The following IL17RA variants were observed in gnomAD, a reference collection of about 807,000 sequenced individuals.
IL17RA encodes the protein interleukin-17 receptor A.
In IL17RA, 34 loss-of-function variants were observed where a neutral mutation model predicts 50.4. That is an observed-to-expected ratio of 0.67 (90% confidence interval 0.51 to 0.90). The LOEUF is 0.90. IL17RA is among the 40% of genes least tolerant of loss of function. IL17RA has a pLI of 0.00. For missense variants in IL17RA, 1,276 were observed against 1,169.8 expected (o/e 1.09, Z -1.32); for synonymous variants, 585 against 510.4 (o/e 1.15, Z -1.97).
At position 17,108,734 on chromosome 22, in the gene IL17RA, C is replaced by T. The variant is rs1300589062; in HGVS notation, c.1515C>T (p.Ser505=). ...CFGTYVVCYF[S]EVSCDGDVPD... is the part of the protein sequence containing the mutation. ...GCACCTACGTAGTCTGCTACTTCAG[C>T]GAGGTCAGCTGTGACGGCGACGTCC... Residue 505 remains serine, a synonymous_variant, in exon 13 of 13, where the codon AGC becomes AGT. Transcript: ENST00000319363. The T allele has an allele frequency of 2.5e-6, 4 of 1,611,662 alleles. No individual in the cohort carries two copies. Among genetic ancestry groups the T allele is most frequent in the Non-Finnish European group, 3.4e-6 (4 of 1,179,772 alleles).
intron 8 of IL17RA, among the ~76,000 whole-genome samples, chr22:17,104,422 G>A (rs562966137): frequency 1.1e-4 from 16 of 152,004 alleles, no homozygotes; most frequent in Admixed American, 2.6e-4. Context: ...AGTGGGGAGC[G>A]TGCACAGTCT....
Position 17,109,187 on chromosome 22 carries a change from C to T in IL17RA, c.1968C>T (p.Pro656=). 2 of 1,519,320 alleles carry T rather than the reference C, an allele frequency of 1.3e-6. No individual in the cohort carries two copies. Among genetic ancestry groups the T allele is most frequent in the Non-Finnish European group, 1.8e-6 (2 of 1,138,712 alleles). The allele number at this position is 1,519,320 out of a possible 1,614,324, so 94.1% of individuals were successfully genotyped here. A position where few individuals can be genotyped will look rare whatever the true frequency, so the allele number is the denominator to read the frequency against. Reference sequence around the variant, plus strand: ...CAAAGCTGGAACCTCACCTGCAGCCCCGGGGTCAGCCAGCGCCGCAGCCCC... The same window carrying T: ...CAAAGCTGGAACCTCACCTGCAGCCTCGGGGTCAGCCAGCGCCGCAGCCCC... The part of the protein sequence containing the change: ...AVAKLEPHLQ[P]RGQPAPQPLH... Residue 656 remains proline, a synonymous_variant, in exon 13 of 13, where the codon CCC becomes CCT. Transcript: ENST00000319363.
intron 1 of IL17RA, 125 bp downstream of exon 1, chr22:17,085,354 T>TAA: frequency 6.8e-7 from 1 of 1,471,012 alleles, no homozygotes; most frequent in Non-Finnish European, 9.0e-7. Context: ...GCCGCGGGCT[T>TAA]AGAGGGGCTC....
chr22:17,088,694 G>T (rs767874751), intron 1 of IL17RA, among the ~76,000 whole-genome samples: 3 of 152,052 alleles, frequency 2.0e-5, no homozygotes, highest in Non-Finnish European at 4.4e-5. Context: ...CACCATATTG[G>T]CCAGGCTGAT....
At chr22:17,098,396 C>T (rs889779237) in intron 3 of IL17RA, among the ~76,000 whole-genome samples, 2 of 152,122 alleles carry the variant, frequency 1.3e-5, no homozygotes, top group African/African-American at 2.4e-5. Context: ...GATTTGTGAA[C>T]GGGGCATGGG....
At chr22:17,100,541 G>C in intron 5 of IL17RA, 60 bp downstream of exon 5, 1 of 1,600,454 alleles carries the variant, frequency 6.2e-7, no homozygotes, top group Non-Finnish European at 8.5e-7. Context: ...GGAAGCACCA[G>C]GTGGCACAGA....
At position 17,108,811 on chromosome 22, in the gene IL17RA, A is replaced by C. The variant is rs758480091; in HGVS notation, c.1592A>C (p.Glu531Ala). 5 of 1,607,528 alleles carry C rather than the reference A, an allele frequency of 3.1e-6. No homozygotes were observed. The highest frequency in any genetic ancestry group is 3.4e-6 in the Non-Finnish European group (4 of 1,177,158). ...PRYPLMDRFEEVYFRIQDLEM... is the reference protein window; with the variant it reads ...PRYPLMDRFEAVYFRIQDLEM... ...TACCCGCTCATGGACAGGTTCGAGG[A>C]GGTGTACTTCCGCATCCAGGACCTG... Residue 531 changes from glutamate to alanine, a missense_variant, in exon 13 of 13, where the codon GAG becomes GCG. Transcript: ENST00000319363.
intron 5 of IL17RA, 148 bp from the exon 6 acceptor site, chr22:17,101,848 G>C: frequency 1.1e-6 from 1 of 891,630 alleles, no homozygotes; most frequent in South Asian, 1.4e-5. Context: ...ATGCCAAGGT[G>C]GGTCCAGCCC....
chr22:17,108,851 G>A lies in IL17RA; in HGVS notation c.1632G>A (p.Pro544=), dbSNP rs550947413. 6.3e-5 allele frequency: 101 copies of A among 1,608,584 alleles called. No individual in the cohort carries two copies. The highest frequency in any genetic ancestry group is 8.4e-5 in the Non-Finnish European group (99 of 1,177,784). The change falls in exon 13 of 13, where the codon CCG becomes CCA. Residue 544 remains proline, a synonymous_variant. Transcript: ENST00000319363. ...FRIQDLEMFQ[P]GRMHRVGELS... ...TCCAGGACCTGGAGATGTTCCAGCC[G>A]GGCCGCATGCACCGCGTAGGGGAGC... is the stretch of plus-strand genomic sequence containing the variant.
At chr22:17,094,687 CTCTCTATATA>C (rs2061361573) in intron 1 of IL17RA, among the ~76,000 whole-genome samples, 1 of 43,286 alleles carries the variant, frequency 2.3e-5, no homozygotes, top group South Asian at 6.9e-4. Context: ...CTCTCTCTCT[CTCTCTATATA>C]TATATATATA....
rs1472509124 is a variant in IL17RA, at chr22:17,108,995, A to G, written c.1776A>G (p.Ser592=). 1.2e-6 allele frequency: 2 copies of G among 1,602,190 alleles called. No homozygotes were observed. The highest frequency in any genetic ancestry group is 1.3e-5 in the African/African-American group (1 of 74,904). ...PDWFECENLY[S]ADDQDAPSLD... is the part of the protein sequence containing the mutation. ...GGTTCGAATGTGAGAACCTCTACTC[A>G]GCAGATGACCAGGATGCCCCGTCCC... Residue 592 remains serine (S), a synonymous_variant, in exon 13 of 13, where the codon TCA becomes TCG. Coordinates refer to ENST00000319363, the MANE Select transcript of IL17RA (RefSeq NM_014339.7).
chr22:17,091,485 T>G (rs950642912), intron 1 of IL17RA, among the ~76,000 whole-genome samples: 14 of 151,868 alleles, frequency 9.2e-5, no homozygotes, highest in East Asian at 1.9e-4. Context: ...GACCATCCTG[T>G]CTAACGCAGT....
intron 1 of IL17RA, among the ~76,000 whole-genome samples, chr22:17,092,898 C>G (rs184786559): frequency 2.6e-5 from 4 of 152,032 alleles, no homozygotes; most frequent in African/African-American, 9.7e-5. Flanking sequence ...TAGACTAACC[C>G]TTCTATTGAA....
chr22:17,102,327 C>T, intron 7 of IL17RA, 25 bp downstream of exon 7: 1 of 1,613,316 alleles, frequency 6.2e-7, no homozygotes. Context: ...TTTGACCCCT[C>T]TAGCATAGCT....
chr22:17,102,183 CA>C lies in IL17RA; in HGVS notation c.644del (p.His215ProfsTer5). 6.2e-7 allele frequency: 1 copy of C among 1,614,178 alleles called. No homozygotes were observed. The highest frequency in any genetic ancestry group is 1.1e-5 in the South Asian group (1 of 91,090). ...CATCACCGTGGAGACCCTGGAGGCC[CA>C]CCAGCTGCGTGTGAGCTTCACCCTG... ...PNITVETLEAHQLRVSFTLWN... is the reference protein window; with the variant it reads ...PNITVETLEAXQLRVSFTLWN... On this transcript the variant is annotated frameshift_variant, in exon 7 of 13. Coordinates refer to ENST00000319363, the MANE Select transcript of IL17RA (RefSeq NM_014339.7). LOFTEE classifies it high-confidence loss of function.
chr22:17,097,545 C>T, intron 2 of IL17RA: 1 of 580,702 alleles, frequency 1.7e-6, no homozygotes, highest in Non-Finnish European at 3.1e-6. Flanking sequence ...ATCACAACTT[C>T]TTCTCAAAAT....
At chr22:17,100,944 C>G (rs185720579) in intron 5 of IL17RA, among the ~76,000 whole-genome samples, 19 of 152,296 alleles carry the variant, frequency 1.2e-4, no homozygotes, top group Admixed American at 5.2e-4. Flanking sequence ...CCATGCCTAT[C>G]CACACTGCCT....
Position 17,109,950 on chromosome 22 carries a change from T to A in IL17RA, c.*130T>A. The stretch of plus-strand genomic sequence containing the variant: ...AAATGTAGGCTTTAAAATGTAAATG[T>A]CTGGATTTTAATCCCAGGCATCCCT... On this transcript the variant is annotated 3_prime_UTR_variant, in exon 13 of 13. Transcript: ENST00000319363. 1.1e-6 allele frequency: 1 copy of A among 945,088 alleles called. No homozygotes were observed. The highest frequency in any genetic ancestry group is 1.6e-6 in the Non-Finnish European group (1 of 638,936). The allele number at this position is 945,088 out of a possible 1,614,324, so 58.5% of individuals were successfully genotyped here. A position where few individuals can be genotyped will look rare whatever the true frequency, so the allele number is the denominator to read the frequency against.
At chr22:17,086,438 G>A (rs1409001965) in intron 1 of IL17RA, among the ~76,000 whole-genome samples, 2 of 152,116 alleles carry the variant, frequency 1.3e-5, no homozygotes, top group Non-Finnish European at 2.9e-5. Context: ...TCCACTATTG[G>A]GCAAAGCAGG....
Sources: allele counts gnomAD v4.1 joint callset (sites outside exome capture counted in the v4.1 genomes callset), GRCh38; gene constraint gnomAD v4.1.1; transcripts MANE v1.5; gene names NCBI Gene and HGNC (gene_info 2026-07-23, HGNC 2026-07-21).